PCDHGB1: variants seen among roughly 807,000 people sequenced by gnomAD.
The protein encoded by PCDHGB1 is protocadherin gamma subfamily B, 1, also known as protocadherin gamma-B1.
Under a neutral mutation model 56.6 loss-of-function variants are expected in PCDHGB1, and 34 were observed. The ratio of observed to expected loss-of-function variants is 0.60; its 90% CI spans 0.46 to 0.80. The LOEUF (loss-of-function observed/expected upper bound fraction) is 0.80. PCDHGB1 is among the 30% of genes least tolerant of loss of function. The pLI, the probability that PCDHGB1 is intolerant of heterozygous loss-of-function variation, is 0.00. For missense variants in PCDHGB1, 1,278 were observed against 1,204.6 expected, an observed-to-expected ratio of 1.06 and a Z score of -0.90; for synonymous variants, 561 against 505.9, an observed-to-expected ratio of 1.11 and a Z score of -1.46.
chr5:141,374,610 G>C (rs773630975), intron 1 of PCDHGB1: 2 of 1,613,524 alleles, frequency 1.2e-6, no homozygotes, highest in Non-Finnish European at 1.7e-6. Context: ...AGTGGTAATA[G>C]TCACTTCTCA....
At chr5:141,473,501 G>A (rs1053399138) in intron 1 of PCDHGB1, among the ~76,000 whole-genome samples, 2 of 152,188 alleles carry the variant, frequency 1.3e-5, no homozygotes, top group South Asian at 4.1e-4. Context: ...GGTGTTCTGA[G>A]AGAGCATAAC....
At chr5:141,451,624 G>A (rs1016417101) in intron 1 of PCDHGB1, among the ~76,000 whole-genome samples, 3 of 152,150 alleles carry the variant, frequency 2.0e-5, no homozygotes, top group African/African-American at 7.2e-5. Context: ...GCTCAAACCT[G>A]TAATTCCAGC....
At chr5:141,372,562 C>G in intron 1 of PCDHGB1, 1 of 1,614,054 alleles carries the variant, frequency 6.2e-7, no homozygotes. Context: ...AGACCCGCCA[C>G]TGAGGGCTAC....
chr5:141,393,134 C>T (rs755308269), intron 1 of PCDHGB1: 2 of 1,613,390 alleles, frequency 1.2e-6, no homozygotes, highest in South Asian at 2.2e-5. Flanking sequence ...TAAATATTAA[C>T]ACCCTGGTTG....
At chr5:141,385,670 C>A in intron 1 of PCDHGB1, 1 of 420,128 alleles carries the variant, frequency 2.4e-6, no homozygotes, top group Non-Finnish European at 3.4e-6. Flanking sequence ...GAATAAAACA[C>A]ACCTCAGCTG....
chr5:141,486,565 TC>T lies in PCDHGB1; in HGVS notation c.2410-8240del. The T allele has an allele frequency of 6.2e-7, 1 of 1,614,024 alleles. No homozygotes were observed. The highest frequency in any genetic ancestry group is 2.2e-5 in the East Asian group (1 of 44,880). On this transcript the variant is annotated intron_variant, in intron 1 of 3. Transcript: ENST00000523390. This position sits in a 1 kb window ranked among gnomAD's most constrained non-coding sequence, Gnocchi z 5.0. Reference sequence around the variant, plus strand: ...TTCAGAGGTCACATGAGGTGTTTGTTCCTGAGAACAATCGCCCAGGGGACCT... The same window carrying T: ...TTCAGAGGTCACATGAGGTGTTTGTTCTGAGAACAATCGCCCAGGGGACCT...
chr5:141,443,317 CA>C (rs35054295), intron 1 of PCDHGB1, among the ~76,000 whole-genome samples: 28 of 142,048 alleles, frequency 2.0e-4, no homozygotes, highest in Non-Finnish European at 2.6e-4. Flanking sequence ...CCCATCTCTA[CA>C]AAAAAAAAAA....
intron 1 of PCDHGB1, chr5:141,364,303 T>C: frequency 1.3e-6 from 2 of 1,521,756 alleles, no homozygotes; most frequent in South Asian, 1.3e-5. Context: ...GAACCAGAAC[T>C]AAGAGAAAAT....
chr5:141,395,114 C>T (rs2093175908), intron 1 of PCDHGB1: 2 of 1,614,070 alleles, frequency 1.2e-6, no homozygotes, highest in African/African-American at 1.3e-5. Context: ...GGAAGAGTCA[C>T]CTGATCTTTC....
intron 1 of PCDHGB1, chr5:141,394,972 A>T (rs766374618): frequency 1.7e-5 from 28 of 1,613,900 alleles, no homozygotes; most frequent in Non-Finnish European, 2.3e-5. Flanking sequence ...AGGCGCTGGC[A>T]CAAGTCACGC....
chr5:141,476,083 T>C lies in PCDHGB1; in HGVS notation c.2410-18724T>C. 1 of 1,547,886 alleles carries C rather than the reference T, an allele frequency of 6.5e-7. No homozygotes were observed. The highest frequency in any genetic ancestry group is 8.7e-7 in the Non-Finnish European group (1 of 1,153,242). The stretch of plus-strand genomic sequence containing the variant: ...TCTCAGCGAAATCTCAGGGACGATC[T>C]GGACCCCGCTGAGAGGAACTGCTTT... On this transcript the variant is annotated intron_variant, in intron 1 of 3. Coordinates refer to ENST00000523390, the MANE Select transcript of PCDHGB1 (RefSeq NM_018922.3). This position sits in a 1 kb window ranked among gnomAD's most constrained non-coding sequence, Gnocchi z 7.6.
At position 141,410,013 on chromosome 5, in the gene PCDHGB1, T is replaced by A. The variant is rs770463619; in HGVS notation, c.2409+57344T>A. On this transcript the variant is annotated intron_variant, in intron 1 of 3. Coordinates refer to ENST00000523390, the MANE Select transcript of PCDHGB1 (RefSeq NM_018922.3). ...GCCGACTCGGGACACAACGCCTGGC[T>A]GTCCTACCACGTGCTGCAGGCCAGT... 1 of 1,613,296 alleles carries A rather than the reference T, an allele frequency of 6.2e-7. No individual in the cohort carries two copies. Among genetic ancestry groups the A allele is most frequent in the East Asian group, 2.2e-5 (1 of 44,870 alleles).
intron 1 of PCDHGB1, among the ~76,000 whole-genome samples, chr5:141,458,982 C>G (rs2098958289): frequency 6.6e-6 from 1 of 152,164 alleles, no homozygotes; most frequent in Admixed American, 6.5e-5. Flanking sequence ...GTCCTCCTGC[C>G]TCACCCTCCC....
At chr5:141,375,593 T>A (rs922478028) in intron 1 of PCDHGB1, 5 of 1,614,142 alleles carry the variant, frequency 3.1e-6, no homozygotes, top group Non-Finnish European at 4.2e-6. Context: ...CCTGTCCTCC[T>A]ACGTGTCCAT....
chr5:141,351,413 G>A lies in PCDHGB1; in HGVS notation c.1153G>A (p.Glu385Lys), dbSNP rs757619719. 2 of 1,611,540 alleles carry A rather than the reference G, an allele frequency of 1.2e-6. No individual in the cohort carries two copies. Among genetic ancestry groups the A allele is most frequent in the Non-Finnish European group, 1.7e-6 (2 of 1,178,656 alleles). ...NGMVTCYTQE[E>K]VPFKLESTSK... ...CATGGTGACATGCTATACTCAGGAAGAAGTTCCTTTCAAATTAGAATCCAC... is the reference window on the plus strand; with the variant it reads ...CATGGTGACATGCTATACTCAGGAAAAAGTTCCTTTCAAATTAGAATCCAC... The change falls in exon 1 of 4, where the codon GAA becomes AAA. Residue 385 changes from glutamate to lysine, a missense_variant. Coordinates refer to ENST00000523390, the MANE Select transcript of PCDHGB1 (RefSeq NM_018922.3).
chr5:141,470,035 G>A lies in PCDHGB1; in HGVS notation c.2410-24772G>A, dbSNP rs761812438. ...TCCCAGCTACTCGGGATGCTGAGGC[G>A]CGAGAACTGTTTGAACCCCGGAGGC... On this transcript the variant is annotated intron_variant, in intron 1 of 3. Transcript: ENST00000523390. Among the ~76,000 whole-genome samples, 97 of 152,224 alleles carry A rather than the reference G, an allele frequency of 6.4e-4. 2 individuals carry two copies. Among genetic ancestry groups the A allele is most frequent in the East Asian group, 1.2e-3 (6 of 5,170 alleles).
chr5:141,399,194 C>A (rs770516092), intron 1 of PCDHGB1: 24 of 1,613,720 alleles, frequency 1.5e-5, no homozygotes, highest in Non-Finnish European at 1.5e-5. Context: ...CTGGAAAACG[C>A]GGTGCCTGGA....
intron 1 of PCDHGB1, chr5:141,440,564 A>T (rs531383065): frequency 1.3e-5 from 2 of 152,248 alleles, no homozygotes; most frequent in Non-Finnish European, 2.9e-5. Context: ...TAAGTTACGT[A>T]TCTCTGAGTT....
At chr5:141,360,388 C>G in intron 1 of PCDHGB1, 1 of 1,613,908 alleles carries the variant, frequency 6.2e-7, no homozygotes, top group Non-Finnish European at 8.5e-7. Flanking sequence ...CGGAGACTTA[C>G]TTGTGAGTGA....
Sources: allele counts gnomAD v4.1 joint callset (sites outside exome capture counted in the v4.1 genomes callset), GRCh38; gene constraint gnomAD v4.1.1; non-coding constraint Gnocchi (gnomAD v3.1); transcripts MANE v1.5; gene names NCBI Gene and HGNC (gene_info 2026-07-23, HGNC 2026-07-21).